The following PRH1 variants were observed in gnomAD, a reference collection of about 807,000 sequenced individuals.
PRH1 encodes salivary acidic proline-rich phosphoprotein 1/2.
PRH1 carries 7 observed loss-of-function variants against 7.9 expected under a neutral mutation model. The ratio of observed to expected loss-of-function variants is 0.89; its 90% confidence interval spans 0.50 to 1.67. The LOEUF is 1.67. PRH1 is among the 40% of genes most tolerant of loss of function. The probability of loss-of-function intolerance (pLI) is 0.00; values close to 1 mark genes in which losing one functional copy is unlikely to be tolerated. For synonymous variants in PRH1, 45 were observed against 80.8 expected (o/e 0.56, Z 2.38); for missense variants, 109 against 223.6 (o/e 0.49, Z 3.27).
At chr12:11,046,717 G>T (rs988586837) in intron 1 of PRH1, among the ~76,000 whole-genome samples, 3 of 151,966 alleles carry the variant, frequency 2.0e-5, no homozygotes, top group Non-Finnish European at 2.9e-5. Flanking sequence ...TGGGAGGCTT[G>T]GTCCTATGGG....
chr12:11,066,281 CTGTT>C (rs1943807981), intron 1 of PRH1, among the ~76,000 whole-genome samples: 1 of 152,270 alleles, frequency 6.6e-6, no homozygotes, highest in Middle Eastern at 3.4e-3. Context: ...GGTCTTAACT[CTGTT>C]TGACTATTTG....
intron 2 of PRH1, among the ~76,000 whole-genome samples, chr12:10,965,935 C>G (rs1027814181): frequency 2.6e-5 from 4 of 152,152 alleles, no homozygotes; most frequent in African/African-American, 9.7e-5. Flanking sequence ...TGCCAATACA[C>G]CTTAAAATCT....
At chr12:11,002,948 T>G (rs771134432) in intron 1 of PRH1, among the ~76,000 whole-genome samples, 11 of 152,056 alleles carry the variant, frequency 7.2e-5, no homozygotes, top group South Asian at 2.1e-4. Context: ...TAGTCCTACA[T>G]ACTTTAATAT....
At chr12:10,959,966 G>C (rs1481863164) in intron 2 of PRH1, among the ~76,000 whole-genome samples, 1 of 152,090 alleles carries the variant, frequency 6.6e-6, no homozygotes, top group Non-Finnish European at 1.5e-5. Context: ...AATCAGAAGA[G>C]GGCAGCATCC....
upstream of PRH1, chr12:11,047,245 T>C: frequency 3.2e-6 from 1 of 314,596 alleles, no homozygotes; most frequent in Non-Finnish European, 6.6e-6. Context: ...CTCAGCTCAC[T>C]GCCCACCCAC....
At chr12:11,005,885 C>T (rs1940805963) in intron 1 of PRH1, 1 of 152,006 alleles carries the variant, frequency 6.6e-6, no homozygotes, top group Admixed American at 6.6e-5. Flanking sequence ...TTAAAATATT[C>T]CTTGGGCACT....
At chr12:10,955,996 C>T (rs115771040) in intron 2 of PRH1, among the ~76,000 whole-genome samples, 3,020 of 152,096 alleles carry the variant, frequency 0.02, 32 homozygotes, top group South Asian at 0.032. Context: ...AGCAGAATTC[C>T]ACCATGTGTA....
intron 1 of PRH1, chr12:11,061,938 A>C: frequency 1.2e-6 from 2 of 1,614,000 alleles, no homozygotes; most frequent in Non-Finnish European, 1.7e-6. Flanking sequence ...TCTTTAAGTG[A>C]AGAAAAATAA....
intron 2 of PRH1, among the ~76,000 whole-genome samples, chr12:10,972,057 T>C (rs922471220): frequency 3.3e-5 from 5 of 152,180 alleles, no homozygotes; most frequent in Non-Finnish European, 7.4e-5. Context: ...AAAATATGAT[T>C]AGTTATTGGC....
chr12:10,957,953 A>G (rs920137758), intron 2 of PRH1, among the ~76,000 whole-genome samples: 1 of 152,216 alleles, frequency 6.6e-6, no homozygotes, highest in Admixed American at 6.5e-5. Flanking sequence ...ATGCTTTCAC[A>G]CTGCTGGTGG....
At chr12:10,973,547 GTAC>G (rs1223350034) in intron 2 of PRH1, 1 of 632,504 alleles carries the variant, frequency 1.6e-6, no homozygotes, top group Non-Finnish European at 2.9e-6. Context: ...TGAGAAGTTA[GTAC>G]ACTACTTGTA....
intron 1 of PRH1, among the ~76,000 whole-genome samples, chr12:11,081,168 T>C (rs1221681378): frequency 7.5e-6 from 1 of 132,510 alleles, no homozygotes; most frequent in African/African-American, 2.6e-5. Flanking sequence ...CCCTCTAGCT[T>C]TGTATATTTC....
Position 11,059,000 on chromosome 12 carries a change from G to C in PRH1, n.124-11812C>G, listed in dbSNP as rs144179259. ...CATCCTTCCATTTGGGACTTGAATGGAACACCACACTGTGGGCATGAGGTC... is the reference window on the plus strand; with the variant it reads ...CATCCTTCCATTTGGGACTTGAATGCAACACCACACTGTGGGCATGAGGTC... On this transcript the variant is annotated intron_variant and non_coding_transcript_variant, in intron 1 of 4. Coordinates refer to the PRH1 transcript ENST00000541977. 3.2e-3 allele frequency among the ~76,000 whole-genome samples: 485 copies of C among 152,290 alleles called. 18 individuals are homozygous for C. In the East Asian group the frequency reaches 0.083, roughly 26 times the overall value.
intron 2 of PRH1, among the ~76,000 whole-genome samples, chr12:10,902,593 A>G (rs1949738157): frequency 6.6e-6 from 1 of 152,136 alleles, no homozygotes; most frequent in Non-Finnish European, 1.5e-5. Flanking sequence ...GTCTACACTA[A>G]AGAAAAAAAT....
chr12:10,963,481 A>T (rs1938355249), intron 2 of PRH1, among the ~76,000 whole-genome samples: 1 of 152,192 alleles, frequency 6.6e-6, no homozygotes, highest in Admixed American at 6.5e-5. Flanking sequence ...CATTTATGTG[A>T]TTTTTAAAAA....
chr12:11,113,151 A>T (rs1394474931), intron 1 of PRH1, among the ~76,000 whole-genome samples: 1 of 151,772 alleles, frequency 6.6e-6, no homozygotes, highest in Non-Finnish European at 1.5e-5. Context: ...ATAAGAGAGG[A>T]CACAAACACA....
At chr12:11,118,951 C>T (rs939611370), downstream of PRH1, among the ~76,000 whole-genome samples, 8 of 130,142 alleles carry the variant, frequency 6.1e-5, no homozygotes, top group African/African-American at 1.7e-4. Context: ...GCCGAGATTG[C>T]GCCACTGCAC....
chr12:11,104,515 C>T (rs1310404575), intron 1 of PRH1, among the ~76,000 whole-genome samples: 2 of 152,098 alleles, frequency 1.3e-5, no homozygotes, highest in African/African-American at 2.4e-5. Context: ...CTGTTGTAAA[C>T]ATGTCAGTCT....
At chr12:11,090,807 CA>C (rs1944855096) in intron 1 of PRH1, among the ~76,000 whole-genome samples, 1 of 115,056 alleles carries the variant, frequency 8.7e-6, no homozygotes, top group South Asian at 2.3e-4. Flanking sequence ...ATGACCTTAC[CA>C]TCCAATAAAT....
Sources: allele counts gnomAD v4.1 joint callset (sites outside exome capture counted in the v4.1 genomes callset), GRCh38; gene constraint gnomAD v4.1.1; transcripts MANE v1.5; gene names NCBI Gene and HGNC (gene_info 2026-07-23, HGNC 2026-07-21).